NDST3: variants seen among roughly 807,000 people sequenced by gnomAD.
NDST3 encodes bifunctional heparan sulfate N-deacetylase/N-sulfotransferase 3.
Under a neutral mutation model 96.1 loss-of-function variants are expected in NDST3, and 58 were observed. The observed-to-expected ratio is 0.60, with a 90% CI of 0.49 to 0.75. NDST3 has a LOEUF of 0.75. NDST3 is among the 30% of genes least tolerant of loss of function. The pLI is 0.00. For missense variants in NDST3, 788 were observed against 1,034.2 expected (o/e 0.76, Z 3.27); for synonymous variants, 333 against 359.7 (o/e 0.93, Z 0.84).
chr4:118,075,884 G>A (rs1578588519), intron 2 of NDST3, among the ~76,000 whole-genome samples: 1 of 152,236 alleles, frequency 6.6e-6, no homozygotes, highest in East Asian at 1.9e-4. Flanking sequence ...CTTTTGCTGT[G>A]CAGAAGCTCT....
chr4:118,145,581 C>A (rs1036435259), intron 6 of NDST3, among the ~76,000 whole-genome samples: 4 of 151,842 alleles, frequency 2.6e-5, no homozygotes, highest in Non-Finnish European at 1.5e-5. Context: ...TTTTAAAAAC[C>A]TTACAGTAAA....
chr4:118,197,383 T>C (rs1417052999), intron 6 of NDST3, among the ~76,000 whole-genome samples: 1 of 118,526 alleles, frequency 8.4e-6, no homozygotes, highest in Admixed American at 8.0e-5. Flanking sequence ...GTCTAGAAGA[T>C]TGATGCAGTG....
At chr4:118,116,344 A>G (rs1252453193) in intron 4 of NDST3, among the ~76,000 whole-genome samples, 1 of 152,184 alleles carries the variant, frequency 6.6e-6, no homozygotes, top group Admixed American at 6.5e-5. Context: ...AAAAGATAAG[A>G]TACTGAGAAG....
At chr4:118,108,554 C>T (rs1730390643) in intron 3 of NDST3, among the ~76,000 whole-genome samples, 1 of 152,050 alleles carries the variant, frequency 6.6e-6, no homozygotes, top group South Asian at 2.1e-4. Context: ...ATACTACTAA[C>T]ATCAATATAA....
At chr4:118,233,481 G>A (rs945462003) in intron 9 of NDST3, among the ~76,000 whole-genome samples, 1 of 151,752 alleles carries the variant, frequency 6.6e-6, no homozygotes, top group Admixed American at 6.6e-5. Context: ...TTTTCTTCTT[G>A]TGCACTTTTT....
At chr4:118,153,718 G>A (rs1401802140) in intron 6 of NDST3, among the ~76,000 whole-genome samples, 1 of 152,082 alleles carries the variant, frequency 6.6e-6, no homozygotes, top group East Asian at 1.9e-4. Context: ...CAGCTACTTG[G>A]GAGGCTGAGG....
intron 2 of NDST3, among the ~76,000 whole-genome samples, chr4:118,058,731 C>G (rs952897800): frequency 9.9e-5 from 15 of 151,628 alleles, no homozygotes; most frequent in African/African-American, 3.6e-4. Context: ...GATCTACAAC[C>G]TACCCTCAAA....
intron 2 of NDST3, among the ~76,000 whole-genome samples, chr4:118,100,214 G>A (rs1729653449): frequency 6.6e-6 from 1 of 151,990 alleles, no homozygotes; most frequent in South Asian, 2.1e-4. Context: ...CTAAGAGGTG[G>A]AGGAAGGGCA....
At chr4:118,198,187 C>G (rs1457771579) in intron 6 of NDST3, among the ~76,000 whole-genome samples, 3 of 152,084 alleles carry the variant, frequency 2.0e-5, no homozygotes, top group African/African-American at 7.2e-5. Flanking sequence ...AGGACTTACC[C>G]CTGCCATTTT....
intron 2 of NDST3, among the ~76,000 whole-genome samples, chr4:118,087,701 T>C (rs915498838): frequency 7.9e-5 from 12 of 152,050 alleles, no homozygotes; most frequent in Non-Finnish European, 1.8e-4. Context: ...AAATGCATCA[T>C]AAGTCAAACC....
intron 6 of NDST3, among the ~76,000 whole-genome samples, chr4:118,169,939 C>G (rs1033757504): frequency 6.6e-6 from 1 of 152,010 alleles, no homozygotes; most frequent in Non-Finnish European, 1.5e-5. Flanking sequence ...TCATGTAGTC[C>G]CAGGGCTTTT....
intron 1 of NDST3, among the ~76,000 whole-genome samples, chr4:118,040,899 T>TTA (rs552772469): frequency 4.1e-5 from 6 of 144,954 alleles, no homozygotes; most frequent in South Asian, 2.2e-4. Flanking sequence ...ATATATATAT[T>TTA]TATATATATA....
intron 6 of NDST3, among the ~76,000 whole-genome samples, chr4:118,148,250 A>T (rs973402073): frequency 1.3e-5 from 2 of 152,146 alleles, no homozygotes; most frequent in African/African-American, 2.4e-5. Flanking sequence ...GTGAGCCAAG[A>T]TCACGCCACT....
chr4:118,129,268 T>C (rs1732393917), intron 4 of NDST3, among the ~76,000 whole-genome samples: 1 of 151,986 alleles, frequency 6.6e-6, no homozygotes, highest in African/African-American at 2.4e-5. Context: ...TTCTTTAAGA[T>C]GCATTGTTAG....
rs929879364 is a variant in NDST3, at chr4:118,140,919, A to G, written c.1411-2637A>G. Among the ~76,000 whole-genome samples the G allele has an allele frequency of 6.6e-5, 10 of 152,164 alleles. 1 individual carries two copies. The highest frequency in any genetic ancestry group is 5.9e-4 in the Admixed American group (9 of 15,282). On this transcript the variant is annotated intron_variant, in intron 5 of 13. Coordinates refer to ENST00000296499, the MANE Select transcript of NDST3 (RefSeq NM_004784.3). Reference sequence around the variant, plus strand: ...TTGAGTGAGGACACAAACCCTAACCATATCAGCCAGAGACCTCTAAAAAAT... The same window carrying G: ...TTGAGTGAGGACACAAACCCTAACCGTATCAGCCAGAGACCTCTAAAAAAT...
intron 12 of NDST3, among the ~76,000 whole-genome samples, chr4:118,250,711 C>T (rs375168148): frequency 1.1e-3 from 163 of 152,136 alleles, no homozygotes; most frequent in African/African-American, 3.3e-3. Context: ...CTTGAACTCC[C>T]GACCTCAGCT....
chr4:118,249,642 C>T (rs958305792), intron 12 of NDST3, among the ~76,000 whole-genome samples: 3 of 151,948 alleles, frequency 2.0e-5, no homozygotes, highest in East Asian at 1.9e-4. Context: ...CAAAGTCATA[C>T]AGAGGCAGAA....
chr4:118,203,357 T>C (rs1465601391), intron 6 of NDST3, among the ~76,000 whole-genome samples: 2 of 151,904 alleles, frequency 1.3e-5, no homozygotes, highest in Non-Finnish European at 2.9e-5. Flanking sequence ...CCCCTCCTCT[T>C]TGATTTTTTG....
chr4:118,246,144 T>G (rs1240561149), intron 12 of NDST3, among the ~76,000 whole-genome samples: 1 of 152,224 alleles, frequency 6.6e-6, no homozygotes, highest in Non-Finnish European at 1.5e-5. Flanking sequence ...TGGATGTCAC[T>G]TTTCTTCATA....
Sources: allele counts gnomAD v4.1 joint callset (sites outside exome capture counted in the v4.1 genomes callset), GRCh38; gene constraint gnomAD v4.1.1; transcripts MANE v1.5; gene names NCBI Gene and HGNC (gene_info 2026-07-23, HGNC 2026-07-21).